The following ACO1 variants were observed in gnomAD, a reference collection of about 807,000 sequenced individuals.
The protein encoded by ACO1 is aconitase 1, also known as cytoplasmic aconitate hydratase.
A neutral mutation model predicts 105.1 loss-of-function variants in ACO1; 78 were observed. That is an observed-to-expected ratio of 0.74 (90% CI 0.62 to 0.90). The LOEUF is 0.90. Ranked by LOEUF, ACO1 falls within the 40% of genes least tolerant of loss-of-function variation. The probability of loss-of-function intolerance (pLI) is 0.00; values close to 1 mark genes in which losing one functional copy is unlikely to be tolerated. For synonymous variants in ACO1, 364 were observed against 397.4 expected (o/e 0.92, Z 1.00); for missense variants, 965 against 1,111.1 (o/e 0.87, Z 1.87).
rs1052006805 is a variant in ACO1, at chr9:32,454,202, T to G, written c.*4091T>G. The G allele has an allele frequency of 1.8e-4, 27 of 152,330 alleles. No individual in the cohort carries two copies. The highest frequency in any genetic ancestry group is 5.1e-4 in the African/African-American group (21 of 41,578). The allele number at this position is 152,330 out of a possible 1,614,324, so 9.4% of individuals were successfully genotyped here. On this transcript the variant is annotated 3_prime_UTR_variant, in exon 21 of 21. Transcript: ENST00000309951. ...AAGAACAATGTGTGCTGTAAATCAC[T>G]GTTTGCAGGGAAGGTGGCAGCAAAT...
rs1323962813 is a variant in ACO1, at chr9:32,452,448, C to T, written c.*2337C>T. ...ACAGCAAGAAGTCACCATCCGTGAA[C>T]CAGAAAGTGGGTTCTCACCAGATAC... On this transcript the variant is annotated 3_prime_UTR_variant, in exon 21 of 21. Coordinates refer to ENST00000309951, the MANE Select transcript of ACO1 (RefSeq NM_002197.3). 6.6e-6 allele frequency: 1 copy of T among 152,282 alleles called. No homozygotes were observed. The highest frequency in any genetic ancestry group is 1.9e-4 in the East Asian group (1 of 5,198). The allele number at this position is 152,282 out of a possible 1,614,324, so 9.4% of individuals were successfully genotyped here. A position where few individuals can be genotyped will look rare whatever the true frequency, so the allele number is the denominator to read the frequency against.
intron 20 of ACO1, among the ~76,000 whole-genome samples, chr9:32,449,326 C>T (rs906574829): frequency 6.6e-6 from 1 of 152,140 alleles, no homozygotes; most frequent in African/African-American, 2.4e-5. Flanking sequence ...CCTCCCACCC[C>T]CTACTGTACC....
intron 8 of ACO1, among the ~76,000 whole-genome samples, chr9:32,421,806 G>A (rs559998873): frequency 2.6e-5 from 4 of 152,318 alleles, no homozygotes; most frequent in South Asian, 2.1e-4. Context: ...GAAAGAAAGG[G>A]GAGGTGGCTG....
chr9:32,419,122 T>C lies in ACO1; in HGVS notation c.743T>C (p.Met248Thr). Residue 248 changes from methionine to threonine, a missense_variant, in exon 7 of 21, where the codon ATG becomes ACG. Physicochemically the swap from Met to Thr is moderately conservative, Grantham distance 81. Coordinates refer to ENST00000309951, the MANE Select transcript of ACO1 (RefSeq NM_002197.3). ...CCTCAGGTGATTGGCTACAGGCTGA[T>C]GGGGAAGCCCCACCCTCTGGTAACA... ...VLPQVIGYRL[M>T]GKPHPLVTST... 6.2e-6 allele frequency: 10 copies of C among 1,609,260 alleles called. No individual in the cohort carries two copies. Among genetic ancestry groups the C allele is most frequent in the South Asian group, 1.1e-5 (1 of 90,254 alleles).
chr9:32,440,573 G>A lies in ACO1; in HGVS notation c.2356G>A (p.Gly786Ser). 2 of 1,613,914 alleles carry A rather than the reference G, an allele frequency of 1.2e-6. No homozygotes were observed. The highest frequency in any genetic ancestry group is 1.7e-6 in the Non-Finnish European group (2 of 1,179,920). Reference sequence around the variant, plus strand: ...CAGCTCCCGAGACTGGGCAGCTAAGGGCCCTTTCCTGCTGGTGAGTATGAA... The same window carrying A: ...CAGCTCCCGAGACTGGGCAGCTAAGAGCCCTTTCCTGCTGGTGAGTATGAA... ...AGSSRDWAAKGPFLLGIKAVL... is the reference protein window; with the variant it reads ...AGSSRDWAAKSPFLLGIKAVL... Residue 786 changes from glycine (G) to serine (S), a missense_variant, in exon 19 of 21, where the codon GGC (glycine) becomes AGC (serine). Physicochemically the swap from Gly to Ser is moderately conservative, Grantham distance 56. Transcript: ENST00000309951.
chr9:32,398,217 A>C (rs1224142237), intron 1 of ACO1, among the ~76,000 whole-genome samples: 1 of 152,236 alleles, frequency 6.6e-6, no homozygotes, highest in Non-Finnish European at 1.5e-5. Context: ...TTGATAACAC[A>C]AGTAGCAAAT....
intron 12 of ACO1, among the ~76,000 whole-genome samples, 194 bp downstream of exon 12, chr9:32,427,630 A>G (rs1822130725): frequency 6.6e-6 from 1 of 152,170 alleles, no homozygotes. Flanking sequence ...GGCACCTACC[A>G]TGAATGGAGT....
At chr9:32,395,358 C>T (rs1023896436) in intron 1 of ACO1, among the ~76,000 whole-genome samples, 1 of 152,160 alleles carries the variant, frequency 6.6e-6, no homozygotes, top group Non-Finnish European at 1.5e-5. Flanking sequence ...CACCTGTAAT[C>T]CCAGCGACTC....
chr9:32,405,709 G>A lies in ACO1; in HGVS notation c.97+106G>A. On this transcript the variant is annotated intron_variant, in intron 2 of 20. Transcript: ENST00000309951. ...TTTGAAGAGGGAGTAGCAGAGAATG[G>A]GTGAATGTTCTTGGATTAAGTGCAC... The A allele has an allele frequency of 6.4e-6, 5 of 784,070 alleles. No individual in the cohort carries two copies. The South Asian group carries it at 9.6e-5, about 15-fold the overall frequency. The allele number at this position is 784,070 out of a possible 1,614,324, so 48.6% of individuals were successfully genotyped here. A position where few individuals can be genotyped will look rare whatever the true frequency, so the allele number is the denominator to read the frequency against.
At chr9:32,410,417 G>C (rs1450609464) in intron 4 of ACO1, among the ~76,000 whole-genome samples, 1 of 151,962 alleles carries the variant, frequency 6.6e-6, no homozygotes, top group Non-Finnish European at 1.5e-5. Flanking sequence ...AAAAATAGCT[G>C]GGTGTGGTGG....
chr9:32,445,999 T>C (rs1400828992), intron 19 of ACO1, among the ~76,000 whole-genome samples: 4 of 152,228 alleles, frequency 2.6e-5, no homozygotes, highest in Admixed American at 6.5e-5. Context: ...TTCCATTCTT[T>C]TGTGTATGCT....
At chr9:32,419,442 T>A (rs1821922849) in intron 7 of ACO1, among the ~76,000 whole-genome samples, 1 of 152,272 alleles carries the variant, frequency 6.6e-6, no homozygotes, top group Non-Finnish European at 1.5e-5. Context: ...GATACAGAAA[T>A]TAAGATGGCA....
At chr9:32,386,698 G>A (rs1253706379) in intron 1 of ACO1, among the ~76,000 whole-genome samples, 1 of 152,204 alleles carries the variant, frequency 6.6e-6, no homozygotes, top group African/African-American at 2.4e-5. Flanking sequence ...GAAGTCCACA[G>A]GAGAAGGAAA....
intron 4 of ACO1, among the ~76,000 whole-genome samples, chr9:32,415,876 C>T (rs1383819496): frequency 1.3e-5 from 2 of 152,244 alleles, no homozygotes; most frequent in Middle Eastern, 3.4e-3. Flanking sequence ...ATATTCTTCC[C>T]CCCAACACCC....
intron 8 of ACO1, among the ~76,000 whole-genome samples, chr9:32,422,290 T>G (rs1821992204): frequency 6.6e-6 from 1 of 152,210 alleles, no homozygotes; most frequent in Admixed American, 6.5e-5. Flanking sequence ...TAGCCCTTTC[T>G]CATAGTAAAC....
intron 6 of ACO1, 48 bp from the exon 7 acceptor site, chr9:32,418,990 G>A: frequency 6.6e-7 from 1 of 1,510,502 alleles, no homozygotes; most frequent in Non-Finnish European, 8.9e-7. Flanking sequence ...CTGAGAGATA[G>A]AGTAAGGGGT....
intron 12 of ACO1, among the ~76,000 whole-genome samples, chr9:32,428,007 G>T (rs752319219): frequency 6.6e-6 from 1 of 151,744 alleles, no homozygotes; most frequent in African/African-American, 2.4e-5. Flanking sequence ...GGACCCAGTA[G>T]CTCACACCTG....
At chr9:32,397,975 A>G (rs1244677878) in intron 1 of ACO1, among the ~76,000 whole-genome samples, 1 of 152,168 alleles carries the variant, frequency 6.6e-6, no homozygotes, top group Non-Finnish European at 1.5e-5. Context: ...AAGCTCTACA[A>G]GCTCCCCTGG....
intron 12 of ACO1, 40 bp downstream of exon 12, chr9:32,427,476 A>G: frequency 1.2e-6 from 2 of 1,613,216 alleles, no homozygotes; most frequent in Non-Finnish European, 1.7e-6. Context: ...CTTTTGTTGA[A>G]TTGTATCCCT....
Sources: gnomAD v4.1 joint callset for allele counts (sites outside exome capture counted in the v4.1 genomes callset) on GRCh38, gnomAD v4.1.1 for gene constraint, MANE v1.5 for transcripts, NCBI Gene and HGNC (gene_info 2026-07-23, HGNC 2026-07-21) for gene names.